Variants in VPS13D observed in about 807,000 individuals in gnomAD.
VPS13D encodes vacuolar protein sorting 13 homolog D.
Under a neutral mutation model 461.9 loss-of-function variants are expected in VPS13D, and 187 were observed. The ratio of observed to expected loss-of-function variants is 0.40; its 90% confidence interval spans 0.36 to 0.46. The LOEUF is 0.46. Among genes scored for constraint, VPS13D ranks in the 20% least tolerant of loss-of-function variants. VPS13D has a pLI of 0.60. For synonymous variants in VPS13D, 1,951 were observed against 1,986.3 expected (o/e 0.98, Z 0.47); for missense variants, 4,711 against 5,364.9 (o/e 0.88, Z 3.81).
chr1:12,418,340 G>A (rs1168036708), intron 65 of VPS13D, among the ~76,000 whole-genome samples: 1 of 152,048 alleles, frequency 6.6e-6, no homozygotes, highest in Non-Finnish European at 1.5e-5. Flanking sequence ...TACCCCTCAC[G>A]CATCATAAAA....
chr1:12,489,764 A>T (rs1645850849), intron 67 of VPS13D, among the ~76,000 whole-genome samples: 1 of 152,150 alleles, frequency 6.6e-6, no homozygotes, highest in South Asian at 2.1e-4. Context: ...TATGTGCTAG[A>T]CTCTGTTCTA....
At chr1:12,459,618 A>G (rs1311096996) in intron 66 of VPS13D, among the ~76,000 whole-genome samples, 17 of 151,728 alleles carry the variant, frequency 1.1e-4, no homozygotes, top group Non-Finnish European at 2.2e-4. Flanking sequence ...AGCTGGGACT[A>G]CAGGCACGCA....
intron 67 of VPS13D, among the ~76,000 whole-genome samples, chr1:12,484,975 C>T (rs1452973566): frequency 1.3e-5 from 2 of 151,206 alleles, no homozygotes; most frequent in Non-Finnish European, 1.5e-5. Context: ...TGTACACACA[C>T]GTGTGTGTGT....
chr1:12,300,820 G>A (rs1642405190), intron 25 of VPS13D, among the ~76,000 whole-genome samples: 1 of 152,098 alleles, frequency 6.6e-6, no homozygotes, highest in Non-Finnish European at 1.5e-5. Flanking sequence ...GAGACTGAGT[G>A]ACATTTCTGG....
rs757654486 is a variant in VPS13D, at chr1:12,507,325, C to T, written c.13035+232C>T. 3.3e-5 allele frequency: 25 copies of T among 764,164 alleles called. No individual in the cohort carries two copies. Among genetic ancestry groups the T allele is most frequent in the South Asian group, 2.3e-4 (17 of 74,080 alleles). The allele number at this position is 764,164 out of a possible 1,614,324, so 47.3% of individuals were successfully genotyped here. On this transcript the variant is annotated intron_variant, in intron 69 of 69. Coordinates refer to ENST00000620676, the MANE Select transcript of VPS13D (RefSeq NM_015378.4). This position sits in a 1 kb window ranked among gnomAD's most constrained non-coding sequence, Gnocchi z 5.3. Reference sequence around the variant, plus strand: ...CCTGGGAACATTAACTGCCTCACAACGTTTGTGCCTCAGTTACCCGTAGAT... The same window carrying T: ...CCTGGGAACATTAACTGCCTCACAATGTTTGTGCCTCAGTTACCCGTAGAT...
At position 12,382,979 on chromosome 1, in the gene VPS13D, A is replaced by G. The variant is rs1415286836; in HGVS notation, c.11194A>G (p.Lys3732Glu). 1.9e-6 allele frequency: 3 copies of G among 1,612,984 alleles called. No homozygotes were observed. Among genetic ancestry groups the G allele is most frequent in the Non-Finnish European group, 2.5e-6 (3 of 1,179,686 alleles). Residue 3732 changes from lysine to glutamate, a missense_variant, in exon 58 of 70, where the codon AAA becomes GAA. Physicochemically the swap from Lys to Glu is moderately conservative, Grantham distance 56. Transcript: ENST00000620676. ...TCTCTACTCCAATGTCTTTTAGGCC[A>G]AAGGAGGACTTTCTGGTTTGTTTGA... ...CGLHGLVVQA[K>E]GGLSGLFDGA...
intron 21 of VPS13D, among the ~76,000 whole-genome samples, chr1:12,285,429 T>C (rs148122685): frequency 0.022 from 3,290 of 151,850 alleles, 63 homozygotes; most frequent in African/African-American, 0.038. Context: ...TAGCTGGGAT[T>C]ACAGGTGCGC....
rs772321426 is a variant in VPS13D, at chr1:12,283,176, C to G, written c.5074C>G (p.Arg1692Gly). ...DSKYKNLMVS[R>G]GAPKPSSLAQ... ...TAAATATAAGAACCTGATGGTGTCTCGAGGAGCCCCTAAGCCATCTAGTTT... is the reference window on the plus strand; with the variant it reads ...TAAATATAAGAACCTGATGGTGTCTGGAGGAGCCCCTAAGCCATCTAGTTT... Residue 1692 changes from arginine to glycine, a missense_variant, in exon 21 of 70, where the codon CGA (arginine) becomes GGA (glycine). Coordinates refer to ENST00000620676, the MANE Select transcript of VPS13D (RefSeq NM_015378.4). The G allele has an allele frequency of 5.0e-6, 8 of 1,614,108 alleles. No individual in the cohort carries two copies. The highest frequency in any genetic ancestry group is 1.3e-5 in the African/African-American group (1 of 75,028).
rs191089187 is a variant in VPS13D, at chr1:12,463,397, C to T, written c.12662+3001C>T. On this transcript the variant is annotated intron_variant, in intron 67 of 69. Coordinates refer to ENST00000620676, the MANE Select transcript of VPS13D (RefSeq NM_015378.4). Reference sequence around the variant, plus strand: ...GAAGGGATACATAGCAGCCGTTTCACCAATGTCCCTCAGTCCATTTGTCCA... The same window carrying T: ...GAAGGGATACATAGCAGCCGTTTCATCAATGTCCCTCAGTCCATTTGTCCA... 2.6e-4 allele frequency among the ~76,000 whole-genome samples: 40 copies of T among 152,318 alleles called. 1 individual carries two copies. The East Asian group carries it at 7.7e-3, about 29-fold the overall frequency.
At position 12,373,758 on chromosome 1, in the gene VPS13D, A is replaced by T; in HGVS notation, c.10817A>T (p.Glu3606Val). ...AATYTFSGLQEGTGRPVASNK... is the reference protein window; with the variant it reads ...AATYTFSGLQVGTGRPVASNK... ...TATTTTTTAAATTCTAGCTTGCAGG[A>T]GGGAACAGGCAGGCCTGTGGCTTCC... Residue 3606 changes from glutamate (E) to valine (V), a missense_variant, in exon 55 of 70, where the codon GAG becomes GTG. Transcript: ENST00000620676. The T allele has an allele frequency of 6.7e-7, 1 of 1,498,068 alleles. No homozygotes were observed. The highest frequency in any genetic ancestry group is 2.5e-5 in the East Asian group (1 of 40,406). 92.8% of individuals were successfully genotyped at this position (1,498,068 alleles called of 1,614,324 possible).
intron 21 of VPS13D, among the ~76,000 whole-genome samples, chr1:12,284,458 TGTAA>T (rs1641903401): frequency 6.6e-6 from 1 of 152,216 alleles, no homozygotes; most frequent in Non-Finnish European, 1.5e-5. Flanking sequence ...ATACTCATAC[TGTAA>T]GTATTAAGAA....
chr1:12,469,523 AT>A (rs1009683793), intron 67 of VPS13D, among the ~76,000 whole-genome samples: 5 of 152,186 alleles, frequency 3.3e-5, no homozygotes, highest in African/African-American at 9.7e-5. Flanking sequence ...TACCTGGTTA[AT>A]TTTTTTGACA....
chr1:12,465,898 A>G (rs1645475997), intron 67 of VPS13D, among the ~76,000 whole-genome samples: 1 of 152,146 alleles, frequency 6.6e-6, no homozygotes, highest in Admixed American at 6.5e-5. Context: ...GCACTTTGGG[A>G]GGCCGAGGTG....
At chr1:12,288,033 A>G (rs990308675) in intron 21 of VPS13D, among the ~76,000 whole-genome samples, 190 bp from the exon 22 acceptor site, 3 of 152,260 alleles carry the variant, frequency 2.0e-5, no homozygotes, top group African/African-American at 4.8e-5. Context: ...TAGACTGTCC[A>G]GTCTCCGCCC....
chr1:12,372,599 G>T (rs1365202066), intron 54 of VPS13D, among the ~76,000 whole-genome samples: 1 of 152,004 alleles, frequency 6.6e-6, no homozygotes, highest in East Asian at 1.9e-4. Context: ...TTCATATCTG[G>T]TCTCTTACCA....
chr1:12,400,958 G>GCACACACACACACA (rs752200366), intron 61 of VPS13D, among the ~76,000 whole-genome samples: 1 of 80,438 alleles, frequency 1.2e-5, no homozygotes, highest in African/African-American at 4.9e-5. Flanking sequence ...GCACCTGCGC[G>GCACACACACACACA]CGCGCACACA....
chr1:12,414,628 G>T (rs1019320554), intron 63 of VPS13D, among the ~76,000 whole-genome samples: 6 of 152,186 alleles, frequency 3.9e-5, no homozygotes, highest in African/African-American at 1.4e-4. Flanking sequence ...GGGAGTGGGA[G>T]CATGCTCATG....
At position 12,416,681 on chromosome 1, in the gene VPS13D, C is replaced by G. The variant is rs1168710137; in HGVS notation, c.12187C>G (p.Arg4063Gly). Residue 4063 changes from arginine (R) to glycine (G), a missense_variant, in exon 65 of 70, where the codon CGA becomes GGA. Physicochemically the swap from Arg to Gly is moderately radical, Grantham distance 125. Around this residue, in one of 3 missense-constraint regions of VPS13D, gnomAD observed 106 missense variants for 206.2 expected, o/e 0.51. Transcript: ENST00000620676. ...GCAGGAACTCCTCAGCCAGGCAGCT[C>G]GAATCCTGGGATCAGTGGATTTTCT... ...FQEELLSQAA[R>G]ILGSVDFLGN... 1.2e-6 allele frequency: 2 copies of G among 1,613,672 alleles called. No individual in the cohort carries two copies. The highest frequency in any genetic ancestry group is 2.7e-5 in the African/African-American group (2 of 74,862).
intron 55 of VPS13D, among the ~76,000 whole-genome samples, chr1:12,377,217 G>C (rs914326236): frequency 6.6e-6 from 1 of 151,550 alleles, no homozygotes; most frequent in Admixed American, 6.6e-5. Flanking sequence ...GCGCCACCAC[G>C]CCCAGCTAAT....
Sources: allele counts gnomAD v4.1 joint callset (sites outside exome capture counted in the v4.1 genomes callset), GRCh38; gene constraint gnomAD v4.1.1; regional missense constraint gnomAD v4.1.1; non-coding constraint Gnocchi (gnomAD v3.1); transcripts MANE v1.5; gene names NCBI Gene and HGNC (gene_info 2026-07-23, HGNC 2026-07-21).